CDH10: variants seen among roughly 807,000 people sequenced by gnomAD.
CDH10 encodes the protein cadherin-10.
CDH10 carries 30 observed loss-of-function variants against 73.1 expected under a neutral mutation model. The ratio of observed to expected loss-of-function variants is 0.41; its 90% CI spans 0.31 to 0.56. The LOEUF (loss-of-function observed/expected upper bound fraction) is 0.56. CDH10 is among the 20% of genes least tolerant of loss of function. The probability of loss-of-function intolerance (pLI) is 0.27; values close to 1 mark genes in which losing one functional copy is unlikely to be tolerated. For synonymous variants in CDH10, 345 were observed against 348.2 expected, an observed-to-expected ratio of 0.99 and a Z score of 0.10; for missense variants, 815 against 973.7, an observed-to-expected ratio of 0.84 and a Z score of 2.17.
intron 8 of CDH10, among the ~76,000 whole-genome samples, chr5:24,500,124 T>C (rs771153983): frequency 4.6e-5 from 7 of 152,192 alleles, no homozygotes; most frequent in Non-Finnish European, 7.3e-5. Flanking sequence ...GTAATCTAAA[T>C]AATTTTCAGA....
chr5:24,637,965 A>G (rs766317751), intron 1 of CDH10, among the ~76,000 whole-genome samples: 6 of 151,812 alleles, frequency 4.0e-5, no homozygotes, highest in Non-Finnish European at 5.9e-5. Context: ...GCCTCTACTT[A>G]TAAAGCAAAG....
intron 5 of CDH10, among the ~76,000 whole-genome samples, chr5:24,517,726 G>C (rs955936599): frequency 6.6e-6 from 1 of 152,150 alleles, no homozygotes; most frequent in African/African-American, 2.4e-5. Context: ...TGAGAGCCTA[G>C]AGAAGTAAGT....
chr5:24,541,330 T>C (rs1172503689), intron 2 of CDH10, among the ~76,000 whole-genome samples: 1 of 152,010 alleles, frequency 6.6e-6, no homozygotes, highest in African/African-American at 2.4e-5. Context: ...TCAACAGTTG[T>C]TCTGGTATTA....
chr5:24,576,414 C>G lies in CDH10; in HGVS notation c.231+16846G>C, dbSNP rs957654680. Reference sequence around the variant, plus strand: ...TGACTTAAATTCTGGTAGGTTAAACCTCTTCACCATCTTTTTATTTGAAAA... The same window carrying G: ...TGACTTAAATTCTGGTAGGTTAAACGTCTTCACCATCTTTTTATTTGAAAA... On this transcript the variant is annotated intron_variant, in intron 2 of 11. Coordinates refer to ENST00000264463, the MANE Select transcript of CDH10 (RefSeq NM_006727.5). Among the ~76,000 whole-genome samples, 35 of 152,060 alleles carry G rather than the reference C, an allele frequency of 2.3e-4. 1 individual carries two copies. Among genetic ancestry groups the G allele is most frequent in the African/African-American group, 8.0e-4 (33 of 41,388 alleles).
intron 2 of CDH10, among the ~76,000 whole-genome samples, chr5:24,544,432 C>T (rs1238855248): frequency 6.6e-6 from 1 of 152,078 alleles, no homozygotes; most frequent in Non-Finnish European, 1.5e-5. Flanking sequence ...TTTCGGGGAC[C>T]AGAGGCAAGT....
Position 24,494,907 on chromosome 5 carries a change from A to G in CDH10, c.1516-1982T>C, listed in dbSNP as rs190367623. Among the ~76,000 whole-genome samples, 1,499 of 152,214 alleles carry G rather than the reference A, an allele frequency of 9.8e-3. 13 individuals are homozygous for G. The highest frequency in any genetic ancestry group is 0.04 in the South Asian group (192 of 4,820). The stretch of plus-strand genomic sequence containing the variant: ...TACAGTATATTTTTATGACCTTAAG[A>G]CTTCGCTACTGCAGATGGAGGCACT... On this transcript the variant is annotated intron_variant, in intron 9 of 11. Coordinates refer to ENST00000264463, the MANE Select transcript of CDH10 (RefSeq NM_006727.5).
At position 24,535,166 on chromosome 5, in the gene CDH10, T is replaced by C. The variant is rs1743902945; in HGVS notation, c.760A>G (p.Thr254Ala). Residue 254 changes from threonine (T) to alanine (A), a missense_variant, in exon 5 of 12, where the codon ACT becomes GCT. Physicochemically the swap from Thr to Ala is moderately conservative, Grantham distance 58. This residue lies in a region of CDH10 where 516 missense variants were observed against 636.6 expected (regional missense o/e 0.81). Transcript: ENST00000264463. The part of the protein sequence containing the change: ...GQMGGLSGTT[T>A]VNITLTDVND... The stretch of plus-strand genomic sequence containing the variant: ...ACATCTGTCAGCGTGATGTTCACAG[T>C]GGTTGTCCCCGATAAGCCTCCCATC... 3 of 1,613,424 alleles carry C rather than the reference T, an allele frequency of 1.9e-6. No individual in the cohort carries two copies. The highest frequency in any genetic ancestry group is 2.5e-6 in the Non-Finnish European group (3 of 1,179,726).
At chr5:24,523,169 C>G (rs561161255) in intron 5 of CDH10, among the ~76,000 whole-genome samples, 134 of 152,004 alleles carry the variant, frequency 8.8e-4, no homozygotes, top group African/African-American at 3.2e-3. Context: ...CCATTTTCAT[C>G]AATCATAAAA....
intron 9 of CDH10, among the ~76,000 whole-genome samples, chr5:24,494,347 A>C (rs1041156950): frequency 6.6e-6 from 1 of 151,992 alleles, no homozygotes; most frequent in African/African-American, 2.4e-5. Context: ...CTTGTCTGTC[A>C]AATGTACTCT....
intron 2 of CDH10, among the ~76,000 whole-genome samples, chr5:24,572,323 A>T (rs1394011890): frequency 1.3e-5 from 2 of 152,148 alleles, no homozygotes. Context: ...CTTCCTTTTT[A>T]AAACAGACTA....
chr5:24,631,747 C>CA (rs1017276160), intron 1 of CDH10, among the ~76,000 whole-genome samples: 2 of 151,714 alleles, frequency 1.3e-5, no homozygotes, highest in Non-Finnish European at 1.5e-5. Context: ...AGAAAGGGGA[C>CA]AAAAAAATCT....
intron 5 of CDH10, among the ~76,000 whole-genome samples, chr5:24,517,397 T>C (rs1006741194): frequency 1.3e-5 from 2 of 152,140 alleles, no homozygotes; most frequent in Admixed American, 6.6e-5. Context: ...GTCTGAAGAA[T>C]TGAAGGGAAA....
intron 5 of CDH10, 70 bp downstream of exon 5, chr5:24,535,042 T>C: frequency 7.3e-7 from 1 of 1,372,620 alleles, no homozygotes; most frequent in Non-Finnish European, 9.9e-7. Context: ...TCTTTTCTTT[T>C]TCTTTCTTTG....
At chr5:24,557,667 A>C (rs1744816197) in intron 2 of CDH10, among the ~76,000 whole-genome samples, 1 of 151,832 alleles carries the variant, frequency 6.6e-6, no homozygotes, top group African/African-American at 2.4e-5. Flanking sequence ...AAAGAAAAAA[A>C]ATAATAAAAG....
At chr5:24,527,953 G>A (rs1198293649) in intron 5 of CDH10, among the ~76,000 whole-genome samples, 1 of 151,828 alleles carries the variant, frequency 6.6e-6, no homozygotes. Context: ...TATCCTGTAG[G>A]TAATTTCTTA....
chr5:24,499,027 G>C (rs1038105748), intron 8 of CDH10, among the ~76,000 whole-genome samples: 5 of 152,124 alleles, frequency 3.3e-5, no homozygotes, highest in Non-Finnish European at 5.9e-5. Context: ...CGAAGAAATA[G>C]TTTTAAATAA....
intron 5 of CDH10, among the ~76,000 whole-genome samples, chr5:24,514,754 A>G (rs961798266): frequency 6.6e-6 from 1 of 152,192 alleles, no homozygotes; most frequent in African/African-American, 2.4e-5. Context: ...ATCTATTCTC[A>G]AAGCTAGAGC....
intron 2 of CDH10, among the ~76,000 whole-genome samples, chr5:24,581,901 A>T (rs925502670): frequency 1.3e-5 from 2 of 152,202 alleles, no homozygotes; most frequent in African/African-American, 4.8e-5. Flanking sequence ...AAGATGGAAG[A>T]TTACTGATAT....
chr5:24,522,113 C>T (rs1279477062), intron 5 of CDH10, among the ~76,000 whole-genome samples: 1 of 151,878 alleles, frequency 6.6e-6, no homozygotes, highest in Non-Finnish European at 1.5e-5. Flanking sequence ...CAGTGGGCTA[C>T]AGAGCGAGAC....
Sources: allele counts gnomAD v4.1 joint callset (sites outside exome capture counted in the v4.1 genomes callset), GRCh38; gene constraint gnomAD v4.1.1; regional missense constraint gnomAD v4.1.1; transcripts MANE v1.5; gene names NCBI Gene and HGNC (gene_info 2026-07-23, HGNC 2026-07-21).